CPNE8: variants seen among roughly 807,000 people sequenced by gnomAD.
CPNE8 encodes copine-8.
In CPNE8, 45 loss-of-function variants were observed where a neutral mutation model predicts 81.5. That is an observed-to-expected ratio of 0.55 (90% CI 0.44 to 0.71). The LOEUF (loss-of-function observed/expected upper bound fraction) is 0.71. Ranked by LOEUF, CPNE8 falls within the 30% of genes least tolerant of loss-of-function variation. The pLI, the probability that CPNE8 is intolerant of heterozygous loss-of-function variation, is 0.00. For synonymous variants in CPNE8, 252 were observed against 226.3 expected (o/e 1.11, Z -1.02); for missense variants, 594 against 672.1 (o/e 0.88, Z 1.28).
intron 6 of CPNE8, among the ~76,000 whole-genome samples, chr12:38,785,357 TAAAAA>T (rs557194605): frequency 7.1e-6 from 1 of 141,200 alleles, no homozygotes; most frequent in Non-Finnish European, 1.6e-5. Context: ...AATTAACCAA[TAAAAA>T]AAAAAAACAT....
At chr12:38,679,418 T>C (rs1344780163) in intron 16 of CPNE8, among the ~76,000 whole-genome samples, 2 of 151,942 alleles carry the variant, frequency 1.3e-5, no homozygotes, top group Non-Finnish European at 2.9e-5. Context: ...TTGTTTTATC[T>C]TAAAAATTCA....
At chr12:38,680,031 G>GC (rs1448484519) in intron 16 of CPNE8, among the ~76,000 whole-genome samples, 1 of 151,694 alleles carries the variant, frequency 6.6e-6, no homozygotes, top group Non-Finnish European at 1.5e-5. Context: ...ATTACTAAAA[G>GC]CCAGCTGTCT....
intron 7 of CPNE8, among the ~76,000 whole-genome samples, chr12:38,775,523 G>T (rs191167061): frequency 6.6e-6 from 1 of 152,222 alleles, no homozygotes. Flanking sequence ...AATTCCCAGA[G>T]ATCTGCTGGC....
intron 6 of CPNE8, among the ~76,000 whole-genome samples, chr12:38,791,604 A>G (rs826836): frequency 0.81 from 122,207 of 151,462 alleles, 51,554 homozygotes; most frequent in Non-Finnish European, 0.93. Context: ...CAATCCTGAA[A>G]TGTGTTAACA....
intron 10 of CPNE8, among the ~76,000 whole-genome samples, chr12:38,736,529 A>T (rs1345859962): frequency 1.6e-5 from 2 of 121,268 alleles, no homozygotes; most frequent in African/African-American, 6.3e-5. Context: ...TTTTTAAAAA[A>T]AAGAATATAT....
rs1942852685 is a variant in CPNE8, at chr12:38,807,992, A to T, written c.407+21387T>A. ...GAAGACATTTATGCAGCCAAAAAACACATGGAAAAATGCTCATCATCACTG... is the reference window on the plus strand; with the variant it reads ...GAAGACATTTATGCAGCCAAAAAACTCATGGAAAAATGCTCATCATCACTG... On this transcript the variant is annotated intron_variant, in intron 6 of 19. Transcript: ENST00000331366. Among the ~76,000 whole-genome samples the T allele has an allele frequency of 2.0e-5, 3 of 152,148 alleles. No homozygotes were observed. In the South Asian group the frequency reaches 6.2e-4, roughly 32 times the overall value.
At chr12:38,884,790 C>T (rs1944215355) in intron 1 of CPNE8, among the ~76,000 whole-genome samples, 1 of 151,854 alleles carries the variant, frequency 6.6e-6, no homozygotes, top group Admixed American at 6.6e-5. Flanking sequence ...TTTTTTAAGC[C>T]TAACATCCAT....
At chr12:38,658,602 T>C (rs143890433) in intron 19 of CPNE8, among the ~76,000 whole-genome samples, 1 of 152,236 alleles carries the variant, frequency 6.6e-6, no homozygotes, top group Non-Finnish European at 1.5e-5. Context: ...AATTGTCAGA[T>C]TCACCTAGGT....
At chr12:38,671,389 T>C (rs943199180) in intron 18 of CPNE8, among the ~76,000 whole-genome samples, 1 of 152,144 alleles carries the variant, frequency 6.6e-6, no homozygotes, top group Non-Finnish European at 1.5e-5. Flanking sequence ...ATGATTTTTC[T>C]GAAGTACAAT....
At chr12:38,687,169 A>G (rs1400557332) in intron 15 of CPNE8, among the ~76,000 whole-genome samples, 1 of 152,124 alleles carries the variant, frequency 6.6e-6, no homozygotes, top group Non-Finnish European at 1.5e-5. Flanking sequence ...TAAAATATTT[A>G]CATATATAAC....
At chr12:38,791,810 C>T (rs974033107) in intron 6 of CPNE8, among the ~76,000 whole-genome samples, 4 of 151,524 alleles carry the variant, frequency 2.6e-5, no homozygotes, top group African/African-American at 9.7e-5. Context: ...ATGAAACTAT[C>T]TCCAGGACAG....
chr12:38,875,016 C>A (rs549862387), intron 1 of CPNE8, among the ~76,000 whole-genome samples: 1 of 152,228 alleles, frequency 6.6e-6, no homozygotes, highest in South Asian at 2.1e-4. Context: ...TTTTATGTTG[C>A]TATTACGGTT....
At chr12:38,853,088 T>C (rs1943672336) in intron 3 of CPNE8, among the ~76,000 whole-genome samples, 1 of 152,170 alleles carries the variant, frequency 6.6e-6, no homozygotes, top group Non-Finnish European at 1.5e-5. Context: ...TTATGACTAG[T>C]TCAGCTTATG....
chr12:38,791,493 G>C (rs1472931970), intron 6 of CPNE8, among the ~76,000 whole-genome samples: 2 of 151,404 alleles, frequency 1.3e-5, no homozygotes, highest in African/African-American at 4.8e-5. Context: ...ATAGAGAAGA[G>C]AGTACTTAGA....
intron 13 of CPNE8, among the ~76,000 whole-genome samples, chr12:38,708,146 G>A (rs966810912): frequency 2.6e-5 from 4 of 152,112 alleles, no homozygotes; most frequent in African/African-American, 7.2e-5. Flanking sequence ...TAAATCAAGT[G>A]TCATATTCTA....
At chr12:38,751,947 C>T (rs1349918428) in intron 10 of CPNE8, among the ~76,000 whole-genome samples, 1 of 152,130 alleles carries the variant, frequency 6.6e-6, no homozygotes, top group Non-Finnish European at 1.5e-5. Context: ...GCTCTCTTTA[C>T]TGTTCTTTTC....
intron 3 of CPNE8, among the ~76,000 whole-genome samples, chr12:38,857,698 G>A (rs955190285): frequency 6.6e-6 from 1 of 152,124 alleles, no homozygotes; most frequent in Non-Finnish European, 1.5e-5. Flanking sequence ...GGATCACGAG[G>A]TCAGGAGTTC....
At chr12:38,705,330 T>C (rs1940077780) in intron 13 of CPNE8, among the ~76,000 whole-genome samples, 1 of 152,114 alleles carries the variant, frequency 6.6e-6, no homozygotes, top group Non-Finnish European at 1.5e-5. Flanking sequence ...TTTCCTTCTT[T>C]CTCCAAATAT....
At chr12:38,899,039 A>C (rs1338539356) in intron 1 of CPNE8, among the ~76,000 whole-genome samples, 1 of 152,322 alleles carries the variant, frequency 6.6e-6, no homozygotes, top group South Asian at 2.1e-4. Context: ...TATACCTGCT[A>C]TCACAACTTT....
Sources: gnomAD v4.1 joint callset for allele counts (sites outside exome capture counted in the v4.1 genomes callset) on GRCh38, gnomAD v4.1.1 for gene constraint, MANE v1.5 for transcripts, NCBI Gene and HGNC (gene_info 2026-07-23, HGNC 2026-07-21) for gene names.